Variants in BBX observed in about 807,000 individuals in gnomAD.
BBX encodes the protein BBX high mobility group box domain containing.
Under a neutral mutation model 100.2 loss-of-function variants are expected in BBX, and 30 were observed. The ratio of observed to expected loss-of-function variants is 0.30; its 90% CI spans 0.22 to 0.41. The LOEUF (loss-of-function observed/expected upper bound fraction) is 0.41. Ranked by LOEUF, BBX falls within the 10% of genes least tolerant of loss-of-function variation. The pLI is 1.00. For synonymous variants in BBX, 376 were observed against 388.1 expected (o/e 0.97, Z 0.37); for missense variants, 1,023 against 1,129.8 (o/e 0.91, Z 1.35).
chr3:107,711,142 C>A, intron 4 of BBX: 1 of 337,074 alleles, frequency 3.0e-6, no homozygotes, highest in Non-Finnish European at 5.9e-6. Flanking sequence ...CATAACCATG[C>A]AGGTGACTTA....
At chr3:107,558,318 T>A (rs2050231699) in intron 2 of BBX, among the ~76,000 whole-genome samples, 1 of 152,116 alleles carries the variant, frequency 6.6e-6, no homozygotes, top group Non-Finnish European at 1.5e-5. Context: ...GAAACCCCGT[T>A]TCTACTAAGA....
intron 2 of BBX, among the ~76,000 whole-genome samples, chr3:107,577,455 A>G (rs2051879260): frequency 6.6e-6 from 1 of 152,218 alleles, no homozygotes; most frequent in African/African-American, 2.4e-5. Context: ...CTATCTTACT[A>G]GGAGAAGAAT....
chr3:107,630,603 C>T (rs1009272446), intron 2 of BBX, among the ~76,000 whole-genome samples: 2 of 152,076 alleles, frequency 1.3e-5, no homozygotes, highest in Non-Finnish European at 2.9e-5. Context: ...CCAATTCTGA[C>T]AGAAAATAGG....
intron 4 of BBX, among the ~76,000 whole-genome samples, chr3:107,713,153 C>T (rs887663902): frequency 2.0e-4 from 30 of 152,296 alleles, no homozygotes; most frequent in African/African-American, 6.7e-4. Flanking sequence ...AATCACTCTT[C>T]CTTTTTCTGC....
intron 2 of BBX, among the ~76,000 whole-genome samples, chr3:107,531,075 G>A (rs976769622): frequency 4.6e-5 from 7 of 152,198 alleles, no homozygotes; most frequent in Admixed American, 1.3e-4. Context: ...GCAAGTAGGA[G>A]GTCCTCCAAT....
At chr3:107,693,580 C>T (rs936779251) in intron 3 of BBX, among the ~76,000 whole-genome samples, 1 of 151,682 alleles carries the variant, frequency 6.6e-6, no homozygotes, top group Non-Finnish European at 1.5e-5. Flanking sequence ...GTACCAGTAC[C>T]ATGCTGTTTT....
intron 3 of BBX, among the ~76,000 whole-genome samples, chr3:107,669,234 G>A (rs570004099): frequency 3.4e-4 from 52 of 152,218 alleles, no homozygotes; most frequent in African/African-American, 1.1e-3. Flanking sequence ...TCATGCTGTA[G>A]AGAATTAAGA....
At chr3:107,633,231 A>T (rs1490080512) in intron 2 of BBX, among the ~76,000 whole-genome samples, 1 of 152,126 alleles carries the variant, frequency 6.6e-6, no homozygotes, top group Admixed American at 6.5e-5. Flanking sequence ...AATGCTATTT[A>T]TTTTGAATTT....
chr3:107,793,973 A>G (rs2069327642), intron 15 of BBX, among the ~76,000 whole-genome samples: 1 of 152,016 alleles, frequency 6.6e-6, no homozygotes, highest in South Asian at 2.1e-4. Context: ...CCACTTTTTG[A>G]AATTTCGGTA....
chr3:107,711,168 T>G, intron 4 of BBX: 1 of 348,890 alleles, frequency 2.9e-6, no homozygotes, highest in Non-Finnish European at 5.8e-6. Context: ...TCGTCTCAAG[T>G]GTTCGTCCCA....
At chr3:107,616,534 CA>C (rs1425156677) in intron 2 of BBX, among the ~76,000 whole-genome samples, 2 of 152,118 alleles carry the variant, frequency 1.3e-5, no homozygotes, top group Non-Finnish European at 2.9e-5. Flanking sequence ...TCTGTATCCT[CA>C]ACAGCATTTT....
At chr3:107,602,272 T>C (rs1333075860) in intron 2 of BBX, among the ~76,000 whole-genome samples, 1 of 152,212 alleles carries the variant, frequency 6.6e-6, no homozygotes, top group Non-Finnish European at 1.5e-5. Flanking sequence ...TCTGGAGTAA[T>C]TTTGACTTCA....
chr3:107,784,495 G>A (rs887748427), intron 13 of BBX, among the ~76,000 whole-genome samples: 1 of 151,786 alleles, frequency 6.6e-6, no homozygotes, highest in African/African-American at 2.4e-5. Context: ...AAAATCAGTA[G>A]TAGAAAAAAA....
At chr3:107,798,839 A>G in intron 16 of BBX, 119 bp downstream of exon 16, 1 of 1,080,370 alleles carries the variant, frequency 9.3e-7, no homozygotes, top group Admixed American at 2.8e-5. Flanking sequence ...ATGAGCTAAA[A>G]AAAAAAAAAA....
intron 2 of BBX, among the ~76,000 whole-genome samples, chr3:107,612,715 T>A (rs781274726): frequency 6.6e-6 from 1 of 152,118 alleles, no homozygotes; most frequent in Non-Finnish European, 1.5e-5. Flanking sequence ...CAGCACTGGG[T>A]CTTGCCGAGG....
intron 3 of BBX, among the ~76,000 whole-genome samples, chr3:107,695,914 C>T (rs1206950198): frequency 1.3e-5 from 2 of 151,846 alleles, no homozygotes; most frequent in African/African-American, 4.9e-5. Flanking sequence ...GGATAGTTAG[C>T]TCTTCTTGTT....
intron 16 of BBX, among the ~76,000 whole-genome samples, chr3:107,799,266 A>G (rs567377375): frequency 6.6e-6 from 1 of 152,246 alleles, no homozygotes; most frequent in Non-Finnish European, 1.5e-5. Flanking sequence ...CCTGCAGGCC[A>G]TGGGTTGGAC....
chr3:107,732,847 T>G, intron 6 of BBX, 109 bp from the exon 7 acceptor site: 1 of 866,234 alleles, frequency 1.2e-6, no homozygotes, highest in Non-Finnish European at 1.8e-6. Flanking sequence ...AAGTTATATG[T>G]GGTTCTGTTG....
At chr3:107,562,404 G>A (rs2050569569) in intron 2 of BBX, among the ~76,000 whole-genome samples, 2 of 152,042 alleles carry the variant, frequency 1.3e-5, no homozygotes, top group Non-Finnish European at 2.9e-5. Flanking sequence ...CTGAGTCATT[G>A]CTTTAGACAA....
Sources: gnomAD v4.1 joint callset for allele counts (sites outside exome capture counted in the v4.1 genomes callset) on GRCh38, gnomAD v4.1.1 for gene constraint, MANE v1.5 for transcripts, NCBI Gene and HGNC (gene_info 2026-07-23, HGNC 2026-07-21) for gene names.